CDH10: variants seen among roughly 807,000 people sequenced by gnomAD.
CDH10 encodes the protein cadherin-10.
In CDH10, 30 loss-of-function variants were observed where a neutral mutation model predicts 73.1. The ratio of observed to expected loss-of-function variants is 0.41; its 90% confidence interval spans 0.31 to 0.56. The LOEUF is 0.56. CDH10 is among the 20% of genes least tolerant of loss of function. The pLI is 0.27. For synonymous variants in CDH10, 345 were observed against 348.2 expected (o/e 0.99, Z 0.10); for missense variants, 815 against 973.7 (o/e 0.84, Z 2.17).
intron 2 of CDH10, among the ~76,000 whole-genome samples, chr5:24,556,357 T>C (rs1212715838): frequency 2.0e-5 from 3 of 152,104 alleles, no homozygotes; most frequent in Admixed American, 6.6e-5. Context: ...TTAAAAAACA[T>C]GCAATTTTAC....
chr5:24,527,673 T>A lies in CDH10; in HGVS notation c.814+7439A>T, dbSNP rs753384768. On this transcript the variant is annotated intron_variant, in intron 5 of 11. Transcript: ENST00000264463. ...TGGTATTTGTGTGTCTAAACATAGC[T>A]AAACACAGTAAAAAATAAGTATTGG... is the stretch of plus-strand genomic sequence containing the variant. Among the ~76,000 whole-genome samples the A allele has an allele frequency of 2.6e-5, 4 of 151,846 alleles. No homozygotes were observed. The East Asian group carries it at 7.7e-4, about 29-fold the overall frequency.
chr5:24,492,578 G>C (rs2111647335), intron 10 of CDH10, among the ~76,000 whole-genome samples: 1 of 152,154 alleles, frequency 6.6e-6, no homozygotes, highest in Middle Eastern at 3.4e-3. Flanking sequence ...ATCTTATCAA[G>C]ACACAATCAT....
intron 6 of CDH10, among the ~76,000 whole-genome samples, 159 bp downstream of exon 6, chr5:24,511,168 C>T (rs534141307): frequency 2.6e-5 from 4 of 152,246 alleles, no homozygotes; most frequent in Non-Finnish European, 5.9e-5. Context: ...TTTCAAGGAG[C>T]TCTTTGGCTT....
At chr5:24,547,410 T>TC (rs1744383873) in intron 2 of CDH10, among the ~76,000 whole-genome samples, 1 of 152,182 alleles carries the variant, frequency 6.6e-6, no homozygotes, top group Non-Finnish European at 1.5e-5. Context: ...AGCTGCTTTT[T>TC]CCCGAGGGAA....
chr5:24,582,302 CAAT>C (rs1745831257), intron 2 of CDH10, among the ~76,000 whole-genome samples: 1 of 152,192 alleles, frequency 6.6e-6, no homozygotes, highest in South Asian at 2.1e-4. Flanking sequence ...CGCTACACAA[CAAT>C]ATTTGGCAAA....
chr5:24,612,057 C>G (rs893455227), intron 1 of CDH10: 2 of 152,126 alleles, frequency 1.3e-5, no homozygotes, highest in African/African-American at 4.8e-5. Context: ...TCCTGACCTA[C>G]AGAACTTGTG....
intron 2 of CDH10, chr5:24,578,453 T>C (rs1745677545): frequency 5.6e-6 from 2 of 355,128 alleles, no homozygotes; most frequent in Admixed American, 3.1e-5. Context: ...AGAGTAATAG[T>C]CTGGTTTAAG....
intron 1 of CDH10, among the ~76,000 whole-genome samples, chr5:24,603,775 A>G (rs538074129): frequency 1.3e-5 from 2 of 152,280 alleles, no homozygotes; most frequent in East Asian, 3.9e-4. Flanking sequence ...TAGATAAGAT[A>G]CCTACTTTTA....
intron 1 of CDH10, among the ~76,000 whole-genome samples, chr5:24,636,343 A>G (rs527409444): frequency 6.6e-6 from 1 of 152,000 alleles, no homozygotes; most frequent in African/African-American, 2.4e-5. Flanking sequence ...TTATCTGTCA[A>G]AGGACCTTGT....
intron 8 of CDH10, among the ~76,000 whole-genome samples, chr5:24,504,793 G>A (rs1742643654): frequency 1.3e-5 from 2 of 151,656 alleles, no homozygotes; most frequent in Non-Finnish European, 2.9e-5. Context: ...CAAAGTGCTG[G>A]GATTACAGGC....
intron 1 of CDH10, among the ~76,000 whole-genome samples, chr5:24,599,515 G>A (rs2112110342): frequency 6.6e-6 from 1 of 152,244 alleles, no homozygotes; most frequent in East Asian, 1.9e-4. Context: ...AATGAATGGT[G>A]TGTAAACTAA....
intron 2 of CDH10, among the ~76,000 whole-genome samples, chr5:24,582,058 G>T (rs534319983): frequency 3.3e-4 from 50 of 152,238 alleles, no homozygotes; most frequent in African/African-American, 1.2e-3. Flanking sequence ...CTTCTGAAAA[G>T]ATTAAAGCTA....
chr5:24,545,565 G>C (rs1035930434), intron 2 of CDH10, among the ~76,000 whole-genome samples: 1 of 151,982 alleles, frequency 6.6e-6, no homozygotes, highest in Non-Finnish European at 1.5e-5. Context: ...CTATAATCTC[G>C]GTGCTTTGGG....
intron 8 of CDH10, among the ~76,000 whole-genome samples, chr5:24,502,379 A>G (rs945057938): frequency 9.9e-5 from 15 of 152,262 alleles, no homozygotes; most frequent in Admixed American, 2.0e-4. Context: ...AGGCCTTAAA[A>G]CATATTGGTA....
intron 2 of CDH10, among the ~76,000 whole-genome samples, chr5:24,547,472 G>A (rs2319447): frequency 0.28 from 42,222 of 151,832 alleles, 6,108 homozygotes; most frequent in Admixed American, 0.32. Context: ...AACTGGCCAA[G>A]GAAAGGGCAC....
At chr5:24,490,447 C>T (rs529759406) in intron 11 of CDH10, among the ~76,000 whole-genome samples, 57 of 151,818 alleles carry the variant, frequency 3.8e-4, no homozygotes, top group East Asian at 9.7e-4. Flanking sequence ...TTTTTTAATA[C>T]GCACGTTCTC....
chr5:24,536,804 GT>G (rs1466399594), intron 3 of CDH10, among the ~76,000 whole-genome samples: 3 of 151,546 alleles, frequency 2.0e-5, no homozygotes, highest in Non-Finnish European at 2.9e-5. Context: ...TTAACCATAG[GT>G]TTTCAACTGG....
chr5:24,551,532 T>C (rs1321971885), intron 2 of CDH10, among the ~76,000 whole-genome samples: 1 of 152,178 alleles, frequency 6.6e-6, no homozygotes, highest in East Asian at 1.9e-4. Context: ...TCAAAAATTA[T>C]TTTTCTAAGC....
intron 5 of CDH10, among the ~76,000 whole-genome samples, chr5:24,513,564 A>T (rs760660835): frequency 6.6e-6 from 1 of 152,152 alleles, no homozygotes; most frequent in African/African-American, 2.4e-5. Flanking sequence ...ATTCTGTAAG[A>T]CTTTGTTGTG....
Sources: gnomAD v4.1 joint callset for allele counts (sites outside exome capture counted in the v4.1 genomes callset) on GRCh38, gnomAD v4.1.1 for gene constraint, MANE v1.5 for transcripts, NCBI Gene and HGNC (gene_info 2026-07-23, HGNC 2026-07-21) for gene names.